The following PRKCB variants were observed in gnomAD, a reference collection of about 807,000 sequenced individuals.
PRKCB encodes the protein protein kinase C beta.
Under a neutral mutation model 81.5 loss-of-function variants are expected in PRKCB, and 13 were observed. The ratio of observed to expected loss-of-function variants is 0.16; its 90% CI spans 0.10 to 0.25. PRKCB has a LOEUF of 0.25. Among genes scored for constraint, PRKCB ranks in the 10% least tolerant of loss-of-function variants. The pLI is 1.00. For synonymous variants in PRKCB, 335 were observed against 321.4 expected (o/e 1.04, Z -0.45); for missense variants, 509 against 875.7 (o/e 0.58, Z 5.29).
intron 2 of PRKCB, among the ~76,000 whole-genome samples, chr16:23,953,895 T>TG (rs974134556): frequency 3.3e-5 from 5 of 150,638 alleles, no homozygotes; most frequent in Middle Eastern, 3.4e-3. Context: ...CATCTTTTTT[T>TG]TTTTTCTGTG....
chr16:24,087,867 A>G (rs961781729), intron 5 of PRKCB, among the ~76,000 whole-genome samples: 5 of 152,188 alleles, frequency 3.3e-5, no homozygotes, highest in African/African-American at 1.2e-4. Flanking sequence ...AGACAGAAAC[A>G]GGCAGACCTC....
rs1055349226 is a variant in PRKCB at position 23,911,095 on chromosome 16, T to A, written c.205+73689T>A. ...GAGCATTTGAGTTGTTTCCACTTTTTGGCTGTTATAAATAGCCATAAACGT... is the reference window on the plus strand; with the variant it reads ...GAGCATTTGAGTTGTTTCCACTTTTAGGCTGTTATAAATAGCCATAAACGT... On this transcript the variant is annotated intron_variant, in intron 2 of 16. Coordinates refer to ENST00000643927, the MANE Select transcript of PRKCB (RefSeq NM_002738.7). Among the ~76,000 whole-genome samples the A allele has an allele frequency of 8.2e-5, 12 of 146,830 alleles. No homozygotes were observed. In the Admixed American group the frequency reaches 8.7e-4, roughly 11 times the overall value.
At chr16:23,982,816 T>C (rs2141817643) in intron 2 of PRKCB, among the ~76,000 whole-genome samples, 1 of 152,266 alleles carries the variant, frequency 6.6e-6, no homozygotes, top group South Asian at 2.1e-4. Flanking sequence ...CTGCTGGAGC[T>C]GAGTAGCAAT....
At chr16:24,139,835 G>A (rs752600946) in intron 9 of PRKCB, among the ~76,000 whole-genome samples, 9 of 152,146 alleles carry the variant, frequency 5.9e-5, no homozygotes, top group Middle Eastern at 3.2e-3. Flanking sequence ...TGATCTATAC[G>A]CCGGATATCA....
At chr16:24,029,751 G>A (rs1965527660) in intron 3 of PRKCB, among the ~76,000 whole-genome samples, 1 of 152,176 alleles carries the variant, frequency 6.6e-6, no homozygotes. Flanking sequence ...CAATTTTAAA[G>A]GAGGCATCTG....
chr16:24,119,190 G>A (rs1966769180), intron 8 of PRKCB, among the ~76,000 whole-genome samples: 1 of 151,214 alleles, frequency 6.6e-6, no homozygotes, highest in Non-Finnish European at 1.5e-5. Context: ...AAATTAACAT[G>A]CCCATGAGAA....
intron 2 of PRKCB, among the ~76,000 whole-genome samples, chr16:23,870,017 A>C (rs954409688): frequency 1.7e-4 from 20 of 114,566 alleles, no homozygotes; most frequent in African/African-American, 6.7e-4. Flanking sequence ...GTGAGACTCC[A>C]TCTGAAAAAA....
At chr16:23,978,387 G>A (rs1437515650) in intron 2 of PRKCB, among the ~76,000 whole-genome samples, 2 of 152,164 alleles carry the variant, frequency 1.3e-5, no homozygotes, top group East Asian at 3.8e-4. Flanking sequence ...GTTAAGGTAG[G>A]TAGGATGAGT....
chr16:24,121,220 C>T (rs1966795448), intron 8 of PRKCB, among the ~76,000 whole-genome samples: 1 of 152,232 alleles, frequency 6.6e-6, no homozygotes, highest in Non-Finnish European at 1.5e-5. Context: ...TCTACTTCAG[C>T]AACCCCAACA....
At chr16:24,172,061 G>GA (rs1178034317) in intron 10 of PRKCB, 3 of 481,172 alleles carry the variant, frequency 6.2e-6, no homozygotes, top group Non-Finnish European at 7.6e-6. Context: ...AATTATTAAT[G>GA]AAAAAAATTA....
In PRKCB at chr16:24,147,791, T is replaced by C. The variant is rs768416809; in HGVS notation, c.1066-6893T>C. Among the ~76,000 whole-genome samples the C allele has an allele frequency of 7.9e-5, 12 of 152,158 alleles. 1 individual carries two copies. The highest frequency in any genetic ancestry group is 2.9e-5 in the Non-Finnish European group (2 of 68,022). The stretch of plus-strand genomic sequence containing the variant: ...CCTAGCTTTGTTAAGCCCTCCCTTC[T>C]TCATCTGTAAAATAGGGATAGCAGC... On this transcript the variant is annotated intron_variant, in intron 9 of 16. Coordinates refer to ENST00000643927, the MANE Select transcript of PRKCB (RefSeq NM_002738.7).
chr16:24,131,893 A>G (rs1309427609), intron 9 of PRKCB, among the ~76,000 whole-genome samples: 4 of 152,190 alleles, frequency 2.6e-5, no homozygotes. Context: ...CTCGATTACC[A>G]TGGTATTTCT....
intron 8 of PRKCB, among the ~76,000 whole-genome samples, chr16:24,117,836 T>C (rs528308245): frequency 6.6e-6 from 1 of 152,204 alleles, no homozygotes; most frequent in Non-Finnish European, 1.5e-5. Context: ...CAGCGCGGAA[T>C]GCATGCCTCA....
At chr16:24,198,548 G>A (rs185831332) in intron 16 of PRKCB, among the ~76,000 whole-genome samples, 1 of 152,252 alleles carries the variant, frequency 6.6e-6, no homozygotes, top group African/African-American at 2.4e-5. Flanking sequence ...TAATTGCCCA[G>A]GCTGGTGTCA....
chr16:23,947,045 G>A (rs1449752640), intron 2 of PRKCB, among the ~76,000 whole-genome samples: 2 of 152,018 alleles, frequency 1.3e-5, no homozygotes, highest in Non-Finnish European at 2.9e-5. Flanking sequence ...TAGTAGAGAC[G>A]GGGTTTTACC....
At chr16:23,941,722 G>A (rs1009843935) in intron 2 of PRKCB, among the ~76,000 whole-genome samples, 1 of 152,082 alleles carries the variant, frequency 6.6e-6, no homozygotes. Context: ...TTGGAGAAAG[G>A]ACTAAGAACA....
In PRKCB at chr16:24,216,060, A is replaced by G. The variant is rs1402700973; in HGVS notation, c.*1244A>G. Reference sequence around the variant, plus strand: ...TGCTCTTTTTGAGAAACGTGGACCTAAACTACAAAGTGGGAACTGAGGAGG... The same window carrying G: ...TGCTCTTTTTGAGAAACGTGGACCTGAACTACAAAGTGGGAACTGAGGAGG... On this transcript the variant is annotated 3_prime_UTR_variant, in exon 17 of 17. Transcript: ENST00000643927. 1.0e-5 allele frequency: 10 copies of G among 985,264 alleles called. No individual in the cohort carries two copies. The highest frequency in any genetic ancestry group is 8.7e-5 in the African/African-American group (5 of 57,220). 61.0% of individuals were successfully genotyped at this position (985,264 alleles called of 1,614,324 possible).
At chr16:24,009,585 C>T (rs926376099) in intron 3 of PRKCB, among the ~76,000 whole-genome samples, 11 of 139,624 alleles carry the variant, frequency 7.9e-5, no homozygotes, top group South Asian at 2.4e-4. Flanking sequence ...CCACCACGCC[C>T]GGCCTATTTT....
intron 2 of PRKCB, among the ~76,000 whole-genome samples, chr16:23,876,089 T>G (rs191835776): frequency 3.9e-5 from 6 of 152,228 alleles, no homozygotes; most frequent in Admixed American, 3.9e-4. Flanking sequence ...ATTCATTGAT[T>G]GATCAACTCA....
Sources: gnomAD v4.1 joint callset for allele counts (sites outside exome capture counted in the v4.1 genomes callset) on GRCh38, gnomAD v4.1.1 for gene constraint, MANE v1.5 for transcripts, NCBI Gene and HGNC (gene_info 2026-07-23, HGNC 2026-07-21) for gene names.